TAFA1: variants seen among roughly 807,000 people sequenced by gnomAD.
TAFA1 encodes the protein chemokine-like protein TAFA-1.
In TAFA1, 4 loss-of-function variants were observed where a neutral mutation model predicts 18.5. The observed-to-expected ratio is 0.22, with a 90% CI of 0.11 to 0.49. The LOEUF is 0.49. Ranked by LOEUF, TAFA1 falls within the 20% of genes least tolerant of loss-of-function variation. The pLI is 0.98. For synonymous variants in TAFA1, 56 were observed against 55.2 expected (o/e 1.01, Z -0.06); for missense variants, 147 against 169.0 (o/e 0.87, Z 0.72).
chr3:68,382,920 AC>A (rs1449480317), intron 2 of TAFA1, among the ~76,000 whole-genome samples: 1 of 151,800 alleles, frequency 6.6e-6, no homozygotes, highest in Non-Finnish European at 1.5e-5. Context: ...AAGATCTGTC[AC>A]CTCTCTGGTT....
intron 2 of TAFA1, among the ~76,000 whole-genome samples, chr3:68,187,006 A>C (rs945803442): frequency 2.6e-5 from 4 of 151,660 alleles, no homozygotes; most frequent in Admixed American, 2.0e-4. Flanking sequence ...TGCTTTTCTT[A>C]GATATCCATC....
At chr3:68,427,476 G>A (rs1328745151) in intron 3 of TAFA1, among the ~76,000 whole-genome samples, 2 of 151,832 alleles carry the variant, frequency 1.3e-5, no homozygotes, top group Non-Finnish European at 2.9e-5. Context: ...AAGCTGCCAA[G>A]GATACTGGTA....
intron 2 of TAFA1, among the ~76,000 whole-genome samples, chr3:68,076,841 T>C (rs1391856536): frequency 2.6e-5 from 4 of 152,214 alleles, no homozygotes; most frequent in African/African-American, 9.6e-5. Flanking sequence ...GATGGCTGGG[T>C]CAAATGGTAT....
At chr3:68,257,259 C>A (rs538314843) in intron 2 of TAFA1, among the ~76,000 whole-genome samples, 1 of 152,140 alleles carries the variant, frequency 6.6e-6, no homozygotes, top group Non-Finnish European at 1.5e-5. Flanking sequence ...CCCAGCCACC[C>A]GACCCCAGAA....
At chr3:68,514,092 CT>C (rs2072887337) in intron 3 of TAFA1, among the ~76,000 whole-genome samples, 1 of 152,122 alleles carries the variant, frequency 6.6e-6, no homozygotes, top group Non-Finnish European at 1.5e-5. Flanking sequence ...TCTGGGCTCT[CT>C]TTTATAAGAG....
intron 3 of TAFA1, among the ~76,000 whole-genome samples, chr3:68,529,721 G>C (rs1352089600): frequency 1.3e-5 from 2 of 152,134 alleles, no homozygotes. Context: ...GGAGAGAGGA[G>C]AGGTGCCAGG....
At chr3:68,156,918 G>A (rs1263505015) in intron 2 of TAFA1, among the ~76,000 whole-genome samples, 1 of 152,144 alleles carries the variant, frequency 6.6e-6, no homozygotes, top group African/African-American at 2.4e-5. Flanking sequence ...AGGAAGATGA[G>A]TTAGAACTCA....
chr3:68,040,158 T>A (rs1705134476), intron 2 of TAFA1, among the ~76,000 whole-genome samples: 1 of 152,222 alleles, frequency 6.6e-6, no homozygotes, highest in Non-Finnish European at 1.5e-5. Context: ...TTTGGGATGA[T>A]ATTCAGATTA....
chr3:68,190,713 G>C (rs2066326512), intron 2 of TAFA1, among the ~76,000 whole-genome samples: 1 of 151,766 alleles, frequency 6.6e-6, no homozygotes, highest in Admixed American at 6.6e-5. Flanking sequence ...GTTTTGGGAG[G>C]AGTTTGTGAG....
chr3:68,509,585 T>TG (rs2072815820), intron 3 of TAFA1, among the ~76,000 whole-genome samples: 1 of 152,122 alleles, frequency 6.6e-6, no homozygotes, highest in African/African-American at 2.4e-5. Context: ...GTAGAAGCCA[T>TG]GAAAAAAATG....
At chr3:68,045,409 G>A (rs1268818466) in intron 2 of TAFA1, among the ~76,000 whole-genome samples, 1 of 152,204 alleles carries the variant, frequency 6.6e-6, no homozygotes, top group Non-Finnish European at 1.5e-5. Context: ...TACAGGAAGA[G>A]CTGAAGGACT....
rs566728307 is a variant in TAFA1 at position 68,508,959 on chromosome 3, G to A, written c.260-29797G>A. Among the ~76,000 whole-genome samples the A allele has an allele frequency of 1.8e-4, 27 of 152,058 alleles. No individual in the cohort carries two copies. The South Asian group carries it at 5.6e-3, about 32-fold the overall frequency. ...GCAGAGGCCCAAAGATAGCATCATG[G>A]TGTGGGTGTGTTTGAGAAACAGCAA... On this transcript the variant is annotated intron_variant, in intron 3 of 4. Coordinates refer to ENST00000478136, the MANE Select transcript of TAFA1 (RefSeq NM_213609.4).
rs147961669 is a variant in TAFA1 at position 68,039,288 on chromosome 3, A to G, written c.118+32544A>G. Among the ~76,000 whole-genome samples the G allele has an allele frequency of 6.5e-3, 983 of 152,308 alleles. 10 individuals carry two copies. Among genetic ancestry groups the G allele is most frequent in the African/African-American group, 0.022 (904 of 41,576 alleles). On this transcript the variant is annotated intron_variant, in intron 2 of 4. Coordinates refer to ENST00000478136, the MANE Select transcript of TAFA1 (RefSeq NM_213609.4). ...CTCATATTAATATTAGCAATTATGC[A>G]TATTTCTAATTGTTTTAGTAATTAT...
chr3:68,521,390 A>C (rs1343756467), intron 3 of TAFA1, among the ~76,000 whole-genome samples: 1 of 152,204 alleles, frequency 6.6e-6, no homozygotes, highest in East Asian at 1.9e-4. Flanking sequence ...TTCTGTAGCC[A>C]ATTTACAATG....
At chr3:68,518,673 GT>G (rs910455596) in intron 3 of TAFA1, among the ~76,000 whole-genome samples, 3 of 152,170 alleles carry the variant, frequency 2.0e-5, no homozygotes, top group Non-Finnish European at 2.9e-5. Context: ...CTAATTGGCT[GT>G]TTCGTTCACA....
intron 2 of TAFA1, among the ~76,000 whole-genome samples, chr3:68,163,591 A>G (rs1255720823): frequency 6.6e-6 from 1 of 152,114 alleles, no homozygotes; most frequent in Non-Finnish European, 1.5e-5. Context: ...AGTCTTTTAT[A>G]CTTATTTATC....
chr3:68,526,295 T>A (rs2073110723), intron 3 of TAFA1, among the ~76,000 whole-genome samples: 1 of 152,222 alleles, frequency 6.6e-6, no homozygotes, highest in Non-Finnish European at 1.5e-5. Flanking sequence ...TTCATTAGTC[T>A]GACAAAGTCT....
chr3:68,493,407 C>T (rs1419407675), intron 3 of TAFA1, among the ~76,000 whole-genome samples: 1 of 152,136 alleles, frequency 6.6e-6, no homozygotes, highest in Non-Finnish European at 1.5e-5. Flanking sequence ...ACTTGGGTTG[C>T]TACTACCTTG....
chr3:68,005,346 G>A (rs779501299), intron 1 of TAFA1, among the ~76,000 whole-genome samples: 11 of 152,194 alleles, frequency 7.2e-5, no homozygotes, highest in Non-Finnish European at 1.3e-4. Flanking sequence ...GGCATGAATA[G>A]CACCAAGCTG....
Sources: gnomAD v4.1 joint callset for allele counts (sites outside exome capture counted in the v4.1 genomes callset) on GRCh38, gnomAD v4.1.1 for gene constraint, MANE v1.5 for transcripts, NCBI Gene and HGNC (gene_info 2026-07-23, HGNC 2026-07-21) for gene names.